Variants in IL19 observed in about 807,000 individuals in gnomAD.
IL19 encodes the protein interleukin-19.
Under a neutral mutation model 19.5 loss-of-function variants are expected in IL19, and 15 were observed. That is an observed-to-expected ratio of 0.77 (90% CI 0.52 to 1.19). The LOEUF (loss-of-function observed/expected upper bound fraction) is 1.19, where lower values mean the gene tolerates loss of function less well. IL19 is among the 50% of genes most tolerant of loss of function. The probability of loss-of-function intolerance (pLI) is 0.00; values close to 1 mark genes in which losing one functional copy is unlikely to be tolerated. For missense variants in IL19, 199 were observed against 213.1 expected (o/e 0.93, Z 0.41); for synonymous variants, 78 against 78.3 (o/e 1.00, Z 0.02).
intron 2 of IL19, among the ~76,000 whole-genome samples, chr1:206,811,443 CA>C (rs61026012): frequency 0.21 from 20,976 of 99,606 alleles, 1,413 homozygotes; most frequent in East Asian, 0.43. Flanking sequence ...GACTCCGTCT[CA>C]AAAAAAAAAA....
intron 2 of IL19, chr1:206,828,977 A>T (rs1297828651): frequency 6.7e-6 from 1 of 148,278 alleles, no homozygotes; most frequent in East Asian, 2.0e-4. Flanking sequence ...GGTGTGCATG[A>T]GGACTACAGG....
At chr1:206,780,694 C>T (rs963067736) in intron 1 of IL19, among the ~76,000 whole-genome samples, 2 of 152,136 alleles carry the variant, frequency 1.3e-5, no homozygotes, top group African/African-American at 4.8e-5. Context: ...AGAAGACTTT[C>T]CCAGGTCCTA....
chr1:206,785,190 T>C (rs1438807512), intron 1 of IL19, among the ~76,000 whole-genome samples: 1 of 152,152 alleles, frequency 6.6e-6, no homozygotes, highest in Non-Finnish European at 1.5e-5. Context: ...GATCAGCAGA[T>C]TCTTGGATCC....
chr1:206,793,443 C>T (rs1342808412), intron 1 of IL19, among the ~76,000 whole-genome samples: 1 of 152,180 alleles, frequency 6.6e-6, no homozygotes, highest in East Asian at 1.9e-4. Context: ...TGAGGGATTC[C>T]CCGACTGTGC....
At chr1:206,773,430 C>T (rs556833728) in intron 1 of IL19, among the ~76,000 whole-genome samples, 1 of 152,284 alleles carries the variant, frequency 6.6e-6, no homozygotes, top group South Asian at 2.1e-4. Flanking sequence ...GCTTCTGTGG[C>T]TGGAGTCTAA....
intron 1 of IL19, among the ~76,000 whole-genome samples, chr1:206,774,988 T>C (rs1458695967): frequency 6.6e-6 from 1 of 151,974 alleles, no homozygotes; most frequent in Admixed American, 6.6e-5. Context: ...GTAAAAGCCA[T>C]TTGTACCTTT....
intron 1 of IL19, among the ~76,000 whole-genome samples, chr1:206,778,140 C>T (rs1371357391): frequency 7.2e-5 from 11 of 152,212 alleles, no homozygotes; most frequent in Admixed American, 5.9e-4. Flanking sequence ...CCGGATTAAG[C>T]GCCCTTCCGA....
chr1:206,831,412 G>A (rs1676606418), intron 2 of IL19, among the ~76,000 whole-genome samples: 1 of 152,132 alleles, frequency 6.6e-6, no homozygotes, highest in Non-Finnish European at 1.5e-5. Flanking sequence ...TGTGTCTGGA[G>A]ACCAGATTCA....
At chr1:206,771,535 A>T in intron 1 of IL19, 1 of 818,810 alleles carries the variant, frequency 1.2e-6, no homozygotes, top group Non-Finnish European at 2.1e-6. Context: ...TCTGGCCCAA[A>T]AAAATCAAAA....
intron 1 of IL19, among the ~76,000 whole-genome samples, chr1:206,780,105 C>A (rs552802770): frequency 6.6e-6 from 1 of 152,190 alleles, no homozygotes; most frequent in African/African-American, 2.4e-5. Flanking sequence ...TAAATGAGTT[C>A]ATCATTCCCC....
intron 1 of IL19, among the ~76,000 whole-genome samples, chr1:206,777,715 G>C (rs534015534): frequency 2.6e-5 from 4 of 152,240 alleles, no homozygotes; most frequent in Non-Finnish European, 5.9e-5. Context: ...GGTGACAACT[G>C]TCCTGATGAA....
At chr1:206,810,424 C>T (rs1464359130) in intron 2 of IL19, among the ~76,000 whole-genome samples, 1 of 152,190 alleles carries the variant, frequency 6.6e-6, no homozygotes, top group Admixed American at 6.6e-5. Context: ...GATGGAGTGA[C>T]TTTATCACAT....
chr1:206,784,196 C>T (rs1402894261), intron 1 of IL19, among the ~76,000 whole-genome samples: 1 of 152,110 alleles, frequency 6.6e-6, no homozygotes, highest in Non-Finnish European at 1.5e-5. Flanking sequence ...TCCTTTTCAT[C>T]CCTTGGCCTT....
chr1:206,830,141 G>C (rs1280425590), intron 2 of IL19, among the ~76,000 whole-genome samples: 1 of 152,150 alleles, frequency 6.6e-6, no homozygotes, highest in Non-Finnish European at 1.5e-5. Flanking sequence ...GTTAGAAAGG[G>C]CGCTGAGCCA....
intron 2 of IL19, among the ~76,000 whole-genome samples, chr1:206,799,603 T>C (rs1306622441): frequency 1.3e-5 from 2 of 152,240 alleles, no homozygotes; most frequent in Non-Finnish European, 2.9e-5. Flanking sequence ...CTCTAGAGGC[T>C]ACCAGTCTTT....
At chr1:206,810,638 G>A (rs1359895894) in intron 2 of IL19, among the ~76,000 whole-genome samples, 1 of 152,202 alleles carries the variant, frequency 6.6e-6, no homozygotes, top group African/African-American at 2.4e-5. Context: ...GAAATGATGA[G>A]ACTCCCATAT....
chr1:206,812,138 T>C (rs1676030920), intron 2 of IL19, among the ~76,000 whole-genome samples: 1 of 152,212 alleles, frequency 6.6e-6, no homozygotes, highest in South Asian at 2.1e-4. Flanking sequence ...GGTTCTACAT[T>C]ACAGGATGTA....
chr1:206,776,824 C>T (rs1316543459), intron 1 of IL19, among the ~76,000 whole-genome samples: 1 of 147,356 alleles, frequency 6.8e-6, no homozygotes, highest in Admixed American at 7.0e-5. Flanking sequence ...TAAACCCGGG[C>T]ATCCAAGCCG....
At chr1:206,798,779 T>G (rs1339189898) in intron 1 of IL19, 82 bp from the exon 2 acceptor site, 1 of 702,320 alleles carries the variant, frequency 1.4e-6, no homozygotes, top group Non-Finnish European at 2.4e-6. Flanking sequence ...GTGTGTGCAC[T>G]TTTGCCGACC....
Sources: allele counts gnomAD v4.1 joint callset (sites outside exome capture counted in the v4.1 genomes callset), GRCh38; gene constraint gnomAD v4.1.1; transcripts MANE v1.5; gene names NCBI Gene and HGNC (gene_info 2026-07-23, HGNC 2026-07-21).